Variants in PTH2R observed in about 807,000 individuals in gnomAD.
PTH2R encodes the protein PTH2 receptor.
In PTH2R, 59 loss-of-function variants were observed where a neutral mutation model predicts 60.3. The observed-to-expected ratio is 0.98, with a 90% CI of 0.79 to 1.22. The LOEUF (loss-of-function observed/expected upper bound fraction) is 1.22, where lower values mean the gene tolerates loss of function less well. Ranked by LOEUF, PTH2R falls within the 50% of genes most tolerant of loss-of-function variation. PTH2R has a pLI of 0.00. For synonymous variants in PTH2R, 256 were observed against 243.8 expected, an observed-to-expected ratio of 1.05 and a Z score of -0.47; for missense variants, 749 against 682.6, an observed-to-expected ratio of 1.10 and a Z score of -1.08.
At chr2:208,493,202 G>T (rs1164148131) in intron 12 of PTH2R, 62 bp from the exon 13 acceptor site, 2 of 1,384,656 alleles carry the variant, frequency 1.4e-6, no homozygotes, top group African/African-American at 2.9e-5. Flanking sequence ...AAACATCTTT[G>T]TAACAAGGCT....
intron 1 of PTH2R, among the ~76,000 whole-genome samples, chr2:208,401,446 T>C (rs1701306669): frequency 1.5e-5 from 2 of 131,804 alleles, no homozygotes; most frequent in South Asian, 4.4e-4. Flanking sequence ...TGCAAAAAGG[T>C]TTTTTTTTTT....
chr2:208,423,096 C>G (rs1452121793), intron 1 of PTH2R, among the ~76,000 whole-genome samples: 1 of 151,406 alleles, frequency 6.6e-6, no homozygotes, highest in Non-Finnish European at 1.5e-5. Context: ...ATTGATTTAT[C>G]CTCTTAACTT....
chr2:208,404,600 G>A (rs1701366761), upstream of PTH2R, among the ~76,000 whole-genome samples: 1 of 152,026 alleles, frequency 6.6e-6, no homozygotes, highest in Non-Finnish European at 1.5e-5. Flanking sequence ...TCATTTAATT[G>A]TTACACGGGC....
intron 10 of PTH2R, among the ~76,000 whole-genome samples, chr2:208,488,184 G>C (rs1703317244): frequency 6.6e-6 from 1 of 152,140 alleles, no homozygotes; most frequent in Non-Finnish European, 1.5e-5. Context: ...TTGCCAAAAA[G>C]ACAGACAAAA....
intron 1 of PTH2R, among the ~76,000 whole-genome samples, chr2:208,392,803 C>T (rs1574832947): frequency 6.6e-6 from 1 of 152,192 alleles, no homozygotes; most frequent in South Asian, 2.1e-4. Flanking sequence ...TTTTCAGAAT[C>T]ACCCGGGGCT....
intron 1 of PTH2R, among the ~76,000 whole-genome samples, chr2:208,364,951 C>G (rs996334410): frequency 6.6e-6 from 1 of 151,774 alleles, no homozygotes; most frequent in African/African-American, 2.4e-5. Flanking sequence ...TTAATTTTTT[C>G]AGATGCTTTC....
chr2:208,490,701 G>C, intron 12 of PTH2R, 21 bp downstream of exon 12: 5 of 1,599,408 alleles, frequency 3.1e-6, no homozygotes, highest in Non-Finnish European at 4.3e-6. Flanking sequence ...AGGAACCTTG[G>C]ACAGGTCTCG....
At chr2:208,473,036 C>A (rs866766506) in intron 9 of PTH2R, among the ~76,000 whole-genome samples, 8 of 152,166 alleles carry the variant, frequency 5.3e-5, no homozygotes, top group Middle Eastern at 3.2e-3. Context: ...GGGGCACATA[C>A]CCTGGTGCAT....
chr2:208,456,538 T>C (rs938095015), intron 8 of PTH2R, among the ~76,000 whole-genome samples: 3 of 152,214 alleles, frequency 2.0e-5, no homozygotes, highest in African/African-American at 2.4e-5. Context: ...CTGCACAGGC[T>C]TTTGGGGTCA....
intron 1 of PTH2R, among the ~76,000 whole-genome samples, chr2:208,399,223 G>C (rs1701264781): frequency 6.6e-6 from 1 of 152,030 alleles, no homozygotes; most frequent in African/African-American, 2.4e-5. Flanking sequence ...TAAATACTTA[G>C]TGAGTTTACT....
At chr2:208,370,943 G>A in intron 1 of PTH2R, among the ~76,000 whole-genome samples, 1 of 152,030 alleles carries the variant, frequency 6.6e-6, no homozygotes, top group East Asian at 1.9e-4. Context: ...TGAAGGTGAA[G>A]GGGGAGCATG....
intron 2 of PTH2R, among the ~76,000 whole-genome samples, chr2:208,433,305 T>G (rs1370369): frequency 0.19 from 29,440 of 152,210 alleles, 3,134 homozygotes; most frequent in South Asian, 0.26. Flanking sequence ...GTGGTCAAAC[T>G]TTGGTTTACC....
At chr2:208,449,560 C>T (rs1020404238) in intron 7 of PTH2R, among the ~76,000 whole-genome samples, 1 of 151,794 alleles carries the variant, frequency 6.6e-6, no homozygotes, top group African/African-American at 2.4e-5. Context: ...AGAATTTGAG[C>T]AGATTAAAGA....
chr2:208,393,100 G>A (rs536855667), intron 1 of PTH2R, among the ~76,000 whole-genome samples: 1 of 152,310 alleles, frequency 6.6e-6, no homozygotes, highest in East Asian at 1.9e-4. Context: ...TGCTACTAGA[G>A]CCTCTGTTCT....
chr2:208,433,808 A>G (rs1208393411), intron 2 of PTH2R, among the ~76,000 whole-genome samples: 1 of 152,224 alleles, frequency 6.6e-6, no homozygotes, highest in Non-Finnish European at 1.5e-5. Flanking sequence ...TCCAAATTTT[A>G]GATTGTTCTG....
At chr2:208,428,033 A>G (rs1701893053) in intron 1 of PTH2R, among the ~76,000 whole-genome samples, 168 bp from the exon 2 acceptor site, 1 of 152,150 alleles carries the variant, frequency 6.6e-6, no homozygotes, top group Non-Finnish European at 1.5e-5. Context: ...AATTGTTCTA[A>G]AACCTTACAC....
intron 6 of PTH2R, 123 bp from the exon 7 acceptor site, chr2:208,444,611 C>A: frequency 1.3e-6 from 1 of 766,430 alleles, no homozygotes; most frequent in Non-Finnish European, 1.9e-6. Flanking sequence ...TTTGACTTTA[C>A]TGTGTAAAGG....
Position 208,416,132 on chromosome 2 carries a change from G to A in PTH2R, c.75+9014G>A, listed in dbSNP as rs563962960. ...AATGCTGAGTTTGGTTTACTGAAGC[G>A]TTTGCCTTGAAAAATAGTCTGTGTG... On this transcript the variant is annotated intron_variant, in intron 1 of 12. Coordinates refer to ENST00000272847, the MANE Select transcript of PTH2R (RefSeq NM_005048.4). Among the ~76,000 whole-genome samples, 60 of 152,190 alleles carry A rather than the reference G, an allele frequency of 3.9e-4. 1 individual carries two copies. In the South Asian group the frequency reaches 8.5e-3, roughly 22 times the overall value.
chr2:208,490,942 T>G (rs773987545), intron 12 of PTH2R, among the ~76,000 whole-genome samples: 3 of 152,240 alleles, frequency 2.0e-5, no homozygotes, highest in Non-Finnish European at 4.4e-5. Flanking sequence ...AACAGACACT[T>G]GGATGGACAG....
Sources: allele counts gnomAD v4.1 joint callset (sites outside exome capture counted in the v4.1 genomes callset), GRCh38; gene constraint gnomAD v4.1.1; transcripts MANE v1.5; gene names NCBI Gene and HGNC (gene_info 2026-07-23, HGNC 2026-07-21).